Variants in SH3BP2 observed in about 807,000 individuals in gnomAD.
The protein encoded by SH3BP2 is SH3 domain binding protein 2.
A neutral mutation model predicts 56.2 loss-of-function variants in SH3BP2; 38 were observed. The observed-to-expected ratio is 0.68, with a 90% CI of 0.52 to 0.89. The LOEUF (loss-of-function observed/expected upper bound fraction) is 0.89. SH3BP2 is among the 40% of genes least tolerant of loss of function. The probability of loss-of-function intolerance (pLI) is 0.00; values close to 1 mark genes in which losing one functional copy is unlikely to be tolerated. For missense variants in SH3BP2, 748 were observed against 762.6 expected, an observed-to-expected ratio of 0.98 and a Z score of 0.23; for synonymous variants, 346 against 316.7, an observed-to-expected ratio of 1.09 and a Z score of -0.98.
At chr4:2,794,947 A>C (rs1328216366) in intron 1 of SH3BP2, among the ~76,000 whole-genome samples, 1 of 152,134 alleles carries the variant, frequency 6.6e-6, no homozygotes, top group Non-Finnish European at 1.5e-5. Flanking sequence ...GCGCAAACTC[A>C]GCCAGGATCT....
At chr4:2,805,948 T>C (rs992068967) in intron 1 of SH3BP2, among the ~76,000 whole-genome samples, 1 of 152,192 alleles carries the variant, frequency 6.6e-6, no homozygotes, top group Non-Finnish European at 1.5e-5. Flanking sequence ...ACGCCTGTTC[T>C]GGAGGCCAGG....
chr4:2,829,967 C>T lies in SH3BP2; in HGVS notation c.1061C>T (p.Ala354Val), dbSNP rs1016515984. The T allele has an allele frequency of 1.4e-5, 22 of 1,613,502 alleles. No individual in the cohort carries two copies. Among genetic ancestry groups the T allele is most frequent in the Non-Finnish European group, 1.9e-5 (22 of 1,179,992 alleles). Residue 354 changes from alanine (A) to valine (V), a missense_variant, in exon 8 of 13, where the codon GCC (alanine) becomes GTC (valine). Ala to Val is a moderately conservative substitution (Grantham distance 64). Transcript: ENST00000503393. The surrounding 1 kb of genome is among the most constrained non-coding windows in gnomAD (Gnocchi z 4.9). The stretch of plus-strand genomic sequence containing the variant: ...ACATCTGAGCCCCCACCTGTGCCAG[C>T]CAACAAGCCCAAGTTCCTGAAGATA... ...PPTSEPPPVP[A>V]NKPKFLKIAE...
chr4:2,839,765 A>G lies in SH3BP2; in HGVS notation c.*5931A>G, dbSNP rs1725357550. On this transcript the variant is annotated 3_prime_UTR_variant, in exon 13 of 13. Coordinates refer to ENST00000503393, the MANE Select transcript of SH3BP2 (RefSeq NM_001122681.2). Reference sequence around the variant, plus strand: ...TTTTTTTTTTTAGAGATAGGATCTTACTATGCCCCAGCTGGTCTCAAACTC... The same window carrying G: ...TTTTTTTTTTTAGAGATAGGATCTTGCTATGCCCCAGCTGGTCTCAAACTC... 1 of 150,514 alleles carries G rather than the reference A, an allele frequency of 6.6e-6. No individual in the cohort carries two copies. Among genetic ancestry groups the G allele is most frequent in the Non-Finnish European group, 1.5e-5 (1 of 67,732 alleles). The allele number at this position is 150,514 out of a possible 1,614,324, so 9.3% of individuals were successfully genotyped here. A position where few individuals can be genotyped will look rare whatever the true frequency, so the allele number is the denominator to read the frequency against.
chr4:2,812,254 C>T (rs986137183), intron 1 of SH3BP2: 1 of 1,534,092 alleles, frequency 6.5e-7, no homozygotes. Context: ...AACAGGAAGT[C>T]CCGGGTGGGG....
At chr4:2,826,540 CTG>C (rs148421972) in intron 5 of SH3BP2, 39,443 of 209,526 alleles carry the variant, frequency 0.19, 5,287 homozygotes, top group African/African-American at 0.46. Flanking sequence ...GCGTGTTGCT[CTG>C]TGTGTGTGTG....
chr4:2,818,185 G>T, intron 1 of SH3BP2: 1 of 986,812 alleles, frequency 1.0e-6, no homozygotes, highest in South Asian at 4.6e-5. Flanking sequence ...CCCGCCGAGA[G>T]GGGAGGAGCC....
intron 1 of SH3BP2, among the ~76,000 whole-genome samples, chr4:2,808,620 A>G (rs1213607686): frequency 6.6e-6 from 1 of 152,038 alleles, no homozygotes; most frequent in Non-Finnish European, 1.5e-5. Flanking sequence ...GCATAGAGGG[A>G]AGGGGCTTCT....
At chr4:2,799,280 AC>A (rs1247930138) in intron 1 of SH3BP2, 51 of 985,120 alleles carry the variant, frequency 5.2e-5, no homozygotes, top group Admixed American at 6.2e-5. Flanking sequence ...TCAGCTTCAG[AC>A]CCTGGGCTGC....
Position 2,830,223 on chromosome 4 carries a change from C to T in SH3BP2, c.1241+76C>T. The stretch of plus-strand genomic sequence containing the variant: ...GCCTGGCCTCTGACGGGCACTCTGC[C>T]CACCTCGCTCCCCTGGCACTCTTAG... On this transcript the variant is annotated intron_variant, in intron 8 of 12. Coordinates refer to ENST00000503393, the MANE Select transcript of SH3BP2 (RefSeq NM_001122681.2). 4 of 1,373,050 alleles carry T rather than the reference C, an allele frequency of 2.9e-6. No individual in the cohort carries two copies. In the Admixed American group the frequency reaches 6.8e-5, roughly 23 times the overall value. 85.1% of individuals were successfully genotyped at this position (1,373,050 alleles called of 1,614,324 possible). A position where few individuals can be genotyped will look rare whatever the true frequency, so the allele number is the denominator to read the frequency against.
At position 2,793,089 on chromosome 4, in the gene SH3BP2, C is replaced by A; in HGVS notation, c.-54C>A. ...GGGCGGGAGCGCCTGGCGGCCGAGTCAAGCCGCCGCCTCGACCCAGGGCCC... is the reference window on the plus strand; with the variant it reads ...GGGCGGGAGCGCCTGGCGGCCGAGTAAAGCCGCCGCCTCGACCCAGGGCCC... On this transcript the variant is annotated 5_prime_UTR_variant, in exon 1 of 13. Coordinates refer to ENST00000503393, the MANE Select transcript of SH3BP2 (RefSeq NM_001122681.2). 1.3e-5 allele frequency: 2 copies of A among 150,156 alleles called. No individual in the cohort carries two copies. Among genetic ancestry groups the A allele is most frequent in the South Asian group, 3.8e-4 (2 of 5,282 alleles). 9.3% of individuals were successfully genotyped at this position (150,156 alleles called of 1,614,324 possible).
intron 1 of SH3BP2, chr4:2,799,237 C>G (rs955727109): frequency 1.0e-6 from 1 of 985,438 alleles, no homozygotes; most frequent in Non-Finnish European, 1.2e-6. Context: ...GAAATGCCTT[C>G]CCCTCGGGAC....
chr4:2,802,669 G>A (rs1156555505), intron 1 of SH3BP2, among the ~76,000 whole-genome samples: 1 of 147,894 alleles, frequency 6.8e-6, no homozygotes, highest in Admixed American at 6.7e-5. Context: ...GTGTGTGTGT[G>A]TGTGTATATA....
chr4:2,821,923 A>C (rs1259274172), intron 2 of SH3BP2, among the ~76,000 whole-genome samples: 1 of 152,018 alleles, frequency 6.6e-6, no homozygotes, highest in African/African-American at 2.4e-5. Context: ...GCTGGAGTGC[A>C]GTGACTTGAT....
intron 5 of SH3BP2, chr4:2,826,744 G>A (rs576877781): frequency 5.4e-6 from 2 of 367,952 alleles, no homozygotes; most frequent in South Asian, 2.0e-5. Context: ...GCATGTCCGC[G>A]TGTTGCTTGT....
At position 2,833,870 on chromosome 4, in the gene SH3BP2, C is replaced by T. The variant is rs1560115077; in HGVS notation, c.*36C>T. ...TGTGGCTGCCAGGCCAAGGCAGTCA[C>T]AGGGGCCCTGACCCCAGGCCACACA... On this transcript the variant is annotated 3_prime_UTR_variant, in exon 13 of 13. Transcript: ENST00000503393. The T allele has an allele frequency of 7.2e-6, 11 of 1,536,930 alleles. No homozygotes were observed.
At chr4:2,809,788 T>C in intron 1 of SH3BP2, 1 of 985,778 alleles carries the variant, frequency 1.0e-6, no homozygotes, top group Non-Finnish European at 1.2e-6. Flanking sequence ...GGCTGACCCT[T>C]GGCCCTCTGC....
At chr4:2,813,473 C>G (rs564089795) in intron 1 of SH3BP2, among the ~76,000 whole-genome samples, 69 of 152,324 alleles carry the variant, frequency 4.5e-4, no homozygotes, top group Admixed American at 3.9e-4. Flanking sequence ...CTCTCCCAGC[C>G]TCTATACCCA....
intron 1 of SH3BP2, chr4:2,812,425 GC>G (rs1292781052): frequency 1.3e-6 from 2 of 1,550,194 alleles, no homozygotes; most frequent in Non-Finnish European, 1.7e-6. Context: ...CAGGACACCG[GC>G]CCCGAGCAGG....
rs114973114 is a variant in SH3BP2, at chr4:2,806,485, C to T, written c.-5+13347C>T. Among the ~76,000 whole-genome samples, 554 of 152,338 alleles carry T rather than the reference C, an allele frequency of 3.6e-3. 5 individuals carry two copies. Among genetic ancestry groups the T allele is most frequent in the African/African-American group, 0.012 (495 of 41,578 alleles). On this transcript the variant is annotated intron_variant, in intron 1 of 12. Transcript: ENST00000503393. Reference sequence around the variant, plus strand: ...GTTTGTGAAGAACTGAAGTGTGAATCCTGAGCCGCCTCTGCTGCTTGTGGT... The same window carrying T: ...GTTTGTGAAGAACTGAAGTGTGAATTCTGAGCCGCCTCTGCTGCTTGTGGT...
Sources: gnomAD v4.1 joint callset for allele counts (sites outside exome capture counted in the v4.1 genomes callset) on GRCh38, gnomAD v4.1.1 for gene constraint, Gnocchi (gnomAD v3.1) non-coding constraint, MANE v1.5 for transcripts, NCBI Gene and HGNC (gene_info 2026-07-23, HGNC 2026-07-21) for gene names.